The following RIMS1 variants were observed in gnomAD, a reference collection of about 807,000 sequenced individuals.
The protein encoded by RIMS1 is regulating synaptic membrane exocytosis protein 1.
RIMS1 carries 83 observed loss-of-function variants against 214.1 expected under a neutral mutation model. The ratio of observed to expected loss-of-function variants is 0.39; its 90% CI spans 0.32 to 0.47. The LOEUF (loss-of-function observed/expected upper bound fraction) is 0.47. RIMS1 is among the 20% of genes least tolerant of loss of function. The pLI is 0.99. For synonymous variants in RIMS1, 793 were observed against 786.8 expected (o/e 1.01, Z -0.13); for missense variants, 2,050 against 2,161.8 (o/e 0.95, Z 1.03).
In RIMS1 at chr6:72,290,671, T is replaced by G. The variant is rs780240075; in HGVS notation, c.3555-8T>G. 1 of 1,611,032 alleles carries G rather than the reference T, an allele frequency of 6.2e-7. No individual in the cohort carries two copies. Among genetic ancestry groups the G allele is most frequent in the South Asian group, 1.1e-5 (1 of 90,644 alleles). ...GACTGAAGATCTTTTTTGGCCCTAA[T>G]GTTTTAGGGTTCTCCCAACATGTCT... On this transcript the variant is annotated splice_polypyrimidine_tract_variant and splice_region_variant and intron_variant, in intron 24 of 33. Transcript: ENST00000521978.
intron 22 of RIMS1, among the ~76,000 whole-genome samples, chr6:72,272,369 T>C (rs891130526): frequency 6.6e-6 from 1 of 152,154 alleles, no homozygotes; most frequent in Non-Finnish European, 1.5e-5. Flanking sequence ...ACATCTTTTC[T>C]TAGGACAAAA....
rs765170348 is a variant in RIMS1, at chr6:72,400,648, C to T, written c.5013C>T (p.Pro1671=). Residue 1671 remains proline (P), a synonymous_variant, in exon 34 of 34, where the codon CCC becomes CCT. Transcript: ENST00000521978. ...CACTGGTGGATCCCACACTCACTCCCCTCACCCGGCGGGCTTCCCAGTCAT... is the reference window on the plus strand; with the variant it reads ...CACTGGTGGATCCCACACTCACTCCTCTCACCCGGCGGGCTTCCCAGTCAT... ...PSSLVDPTLT[P]LTRRASQSSL... 2 of 1,613,914 alleles carry T rather than the reference C, an allele frequency of 1.2e-6. No individual in the cohort carries two copies. Among genetic ancestry groups the T allele is most frequent in the Non-Finnish European group, 1.7e-6 (2 of 1,179,846 alleles).
intron 2 of RIMS1, among the ~76,000 whole-genome samples, chr6:72,042,834 T>C (rs1821838902): frequency 6.6e-6 from 1 of 151,836 alleles, no homozygotes; most frequent in East Asian, 1.9e-4. Context: ...TCCCCAGATT[T>C]TCCCCAAATG....
intron 4 of RIMS1, among the ~76,000 whole-genome samples, chr6:72,143,989 A>C (rs2042391828): frequency 6.6e-6 from 1 of 152,214 alleles, no homozygotes; most frequent in Non-Finnish European, 1.5e-5. Context: ...ATAGCAAGTA[A>C]ACATGTCCTG....
intron 2 of RIMS1, among the ~76,000 whole-genome samples, chr6:72,064,272 C>A (rs551414117): frequency 6.6e-6 from 1 of 151,162 alleles, no homozygotes. Context: ...GAGCTGAGAT[C>A]GTGCCATTGC....
chr6:71,937,056 T>C (rs1784660755), intron 1 of RIMS1, among the ~76,000 whole-genome samples: 2 of 152,240 alleles, frequency 1.3e-5, no homozygotes, highest in Admixed American at 1.3e-4. Flanking sequence ...GGTGCTTTCC[T>C]TTTAGCCAGT....
intron 29 of RIMS1, among the ~76,000 whole-genome samples, chr6:72,388,388 A>G (rs1277561690): frequency 6.6e-6 from 1 of 152,206 alleles, no homozygotes. Flanking sequence ...GGGGCAGAAG[A>G]TGAGATGTGA....
At chr6:72,283,355 C>T (rs1438146675) in intron 23 of RIMS1, among the ~76,000 whole-genome samples, 2 of 151,980 alleles carry the variant, frequency 1.3e-5, no homozygotes, top group Non-Finnish European at 2.9e-5. Context: ...GGGAAAAATG[C>T]ATTTCAAGTG....
At chr6:71,928,330 G>A (rs1256978537) in intron 1 of RIMS1, among the ~76,000 whole-genome samples, 1 of 151,974 alleles carries the variant, frequency 6.6e-6, no homozygotes, top group Admixed American at 6.6e-5. Context: ...TATTTTAAAT[G>A]TTACTGTATT....
At position 71,890,570 on chromosome 6, in the gene RIMS1, TAAAAAA is replaced by T. The variant is rs3076604; in HGVS notation, c.164+3405_164+3410del. On this transcript the variant is annotated intron_variant, in intron 1 of 33. Transcript: ENST00000521978. ...AGATCTAGGATCTTACTCCTTTTTGTAAAAAAAAAAAAAAAAAAAAAAAAAAACTTC... is the reference window on the plus strand; with the variant it reads ...AGATCTAGGATCTTACTCCTTTTTGTAAAAAAAAAAAAAAAAAAAAACTTC... 1.1e-4 allele frequency among the ~76,000 whole-genome samples: 9 copies of T among 81,526 alleles called. 1 individual carries two copies. Among genetic ancestry groups the T allele is most frequent in the South Asian group, 3.7e-4 (1 of 2,684 alleles). The allele number at this position is 81,526 out of a possible 152,430, so 53.5% of individuals were successfully genotyped here. A position where few individuals can be genotyped will look rare whatever the true frequency, so the allele number is the denominator to read the frequency against.
Position 72,251,064 on chromosome 6 carries a change from A to C in RIMS1, c.2516A>C (p.Gln839Pro). The C allele has an allele frequency of 6.3e-7, 1 of 1,585,546 alleles. No homozygotes were observed. The highest frequency in any genetic ancestry group is 8.6e-7 in the Non-Finnish European group (1 of 1,164,722). ...EITVWDQPRV[Q>P]EEESEFLGEI... ...ACTGTGTGGGACCAACCAAGAGTGC[A>C]AGAAGAAGAAAGTGAATTTCTTGGA... is the stretch of plus-strand genomic sequence containing the variant. Residue 839 changes from glutamine (Q) to proline (P), a missense_variant, in exon 14 of 34, where the codon CAA becomes CCA. Transcript: ENST00000521978.
At chr6:72,363,683 C>T (rs560871234) in intron 29 of RIMS1, among the ~76,000 whole-genome samples, 12 of 152,272 alleles carry the variant, frequency 7.9e-5, no homozygotes, top group African/African-American at 2.9e-4. Flanking sequence ...AAGCATACCT[C>T]ATTGACTGCT....
intron 1 of RIMS1, among the ~76,000 whole-genome samples, chr6:71,907,487 A>G (rs1451360011): frequency 1.3e-5 from 2 of 152,180 alleles, no homozygotes; most frequent in African/African-American, 4.8e-5. Context: ...TGTTGCTTGA[A>G]TGTAGGTCTA....
chr6:72,026,389 A>C (rs758426643), intron 2 of RIMS1, among the ~76,000 whole-genome samples: 22 of 151,878 alleles, frequency 1.4e-4, no homozygotes, highest in South Asian at 8.3e-4. Flanking sequence ...ACAATGTATA[A>C]ACACCATAGC....
chr6:72,274,092 C>T (rs2084869067), intron 22 of RIMS1, among the ~76,000 whole-genome samples: 1 of 152,118 alleles, frequency 6.6e-6, no homozygotes, highest in African/African-American at 2.4e-5. Flanking sequence ...AAAAACTACA[C>T]TTAATAGGCG....
At chr6:72,350,995 A>G (rs762669005) in intron 29 of RIMS1, among the ~76,000 whole-genome samples, 4 of 152,260 alleles carry the variant, frequency 2.6e-5, no homozygotes, top group Admixed American at 1.3e-4. Flanking sequence ...AAATTTTAAT[A>G]TATTCTTAAT....
intron 4 of RIMS1, among the ~76,000 whole-genome samples, chr6:72,103,363 A>G (rs2034045567): frequency 6.6e-6 from 1 of 152,102 alleles, no homozygotes; most frequent in Non-Finnish European, 1.5e-5. Context: ...TATTCTTTAA[A>G]CTTCGTATGA....
intron 1 of RIMS1, among the ~76,000 whole-genome samples, chr6:71,911,461 A>G (rs1247313389): frequency 6.6e-6 from 1 of 152,190 alleles, no homozygotes; most frequent in Non-Finnish European, 1.5e-5. Context: ...CTTATAAGTT[A>G]GATGCTTGTA....
At chr6:72,064,330 A>AG (rs1828708071) in intron 2 of RIMS1, among the ~76,000 whole-genome samples, 1 of 115,408 alleles carries the variant, frequency 8.7e-6, no homozygotes, top group Non-Finnish European at 2.1e-5. Context: ...AGAAAGAAAG[A>AG]AAGAGAGAGA....
Sources: gnomAD v4.1 joint callset for allele counts (sites outside exome capture counted in the v4.1 genomes callset) on GRCh38, gnomAD v4.1.1 for gene constraint, MANE v1.5 for transcripts, NCBI Gene and HGNC (gene_info 2026-07-23, HGNC 2026-07-21) for gene names.